Variants in CHST9 observed in about 807,000 individuals in gnomAD.
CHST9 encodes GalNAc-4-sulfotransferase 2.
In CHST9, 41 loss-of-function variants were observed where a neutral mutation model predicts 44.4. That is an observed-to-expected ratio of 0.92 (90% CI 0.72 to 1.20). The LOEUF is 1.20. CHST9 is among the 50% of genes most tolerant of loss of function. The probability of loss-of-function intolerance (pLI) is 0.00; values close to 1 mark genes in which losing one functional copy is unlikely to be tolerated. For missense variants in CHST9, 504 were observed against 516.5 expected (o/e 0.98, Z 0.23); for synonymous variants, 171 against 178.4 (o/e 0.96, Z 0.33).
In CHST9 at chr18:27,053,294, G is replaced by GAAGGAC. The variant is rs1431409415; in HGVS notation, c.122-4792_122-4791insGTCCTT. Among the ~76,000 whole-genome samples the GAAGGAC allele has an allele frequency of 2.8e-3, 367 of 133,176 alleles. 24 individuals are homozygous for GAAGGAC. The East Asian group carries it at 0.031, about 11-fold the overall frequency. 87.4% of individuals were successfully genotyped at this position (133,176 alleles called of 152,430 possible). ...AGAAGGAGAAGGAGAAGGAGAAGGA[G>GAAGGAC]AAGGAGAAGGAGAAGGAGAAGGAGA... On this transcript the variant is annotated intron_variant, in intron 2 of 5. Coordinates refer to ENST00000618847, the MANE Select transcript of CHST9 (RefSeq NM_031422.6).
chr18:27,074,987 G>T (rs1444605353), intron 2 of CHST9, among the ~76,000 whole-genome samples: 4 of 148,154 alleles, frequency 2.7e-5, no homozygotes, highest in African/African-American at 1.0e-4. Flanking sequence ...ATGCTTTAAA[G>T]AAAATGTTTT....
intron 4 of CHST9, among the ~76,000 whole-genome samples, chr18:27,000,622 G>GTCTA (rs6146241): frequency 0.47 from 69,481 of 147,334 alleles, 16,952 homozygotes; most frequent in East Asian, 0.63. Flanking sequence ...TATTTGTTTT[G>GTCTA]TCTATCTATC....
chr18:26,939,774 G>T (rs1043574299), intron 5 of CHST9, among the ~76,000 whole-genome samples: 13 of 152,186 alleles, frequency 8.5e-5, no homozygotes, highest in African/African-American at 3.1e-4. Context: ...CTGGGGACTC[G>T]TGGGCAGGGC....
Position 27,121,454 on chromosome 18 carries a change from T to C in CHST9, c.121+21235A>G, listed in dbSNP as rs900120198. ...TTCCTAGCCACAGGTGAAGAAGGTC[T>C]ATAACTCAGGTTGGCCAATCAGAAT... On this transcript the variant is annotated intron_variant, in intron 2 of 5. Transcript: ENST00000618847. Among the ~76,000 whole-genome samples the C allele has an allele frequency of 4.6e-5, 7 of 152,186 alleles. No homozygotes were observed. The South Asian group carries it at 1.4e-3, about 32-fold the overall frequency.
Position 27,014,072 on chromosome 18 carries a change from C to T in CHST9, c.202+10044G>A, listed in dbSNP as rs2057117280. Among the ~76,000 whole-genome samples, 3 of 152,148 alleles carry T rather than the reference C, an allele frequency of 2.0e-5. No homozygotes were observed. The South Asian group carries it at 6.2e-4, about 31-fold the overall frequency. The stretch of plus-strand genomic sequence containing the variant: ...TAAATAACAAGATTCAAGAACTCTG[C>T]AACCAGGCCCTCATTCACAAGCCTA... On this transcript the variant is annotated intron_variant, in intron 4 of 5. Coordinates refer to ENST00000618847, the MANE Select transcript of CHST9 (RefSeq NM_031422.6).
At chr18:27,124,217 G>C (rs2058400322) in intron 2 of CHST9, among the ~76,000 whole-genome samples, 1 of 152,192 alleles carries the variant, frequency 6.6e-6, no homozygotes, top group Non-Finnish European at 1.5e-5. Context: ...AGGGAAGAAG[G>C]CTCTTTATCT....
chr18:27,048,186 G>T (rs970678740), intron 3 of CHST9, among the ~76,000 whole-genome samples: 2 of 152,028 alleles, frequency 1.3e-5, no homozygotes, highest in Non-Finnish European at 2.9e-5. Flanking sequence ...TAATACTGTT[G>T]GTTGCAAGAC....
At chr18:27,161,472 G>C (rs1013108664) in intron 1 of CHST9, among the ~76,000 whole-genome samples, 13 of 152,176 alleles carry the variant, frequency 8.5e-5, no homozygotes, top group Non-Finnish European at 1.0e-4. Context: ...TGTGGTCTGA[G>C]GGACAGTTTG....
chr18:27,069,652 C>T (rs1306448479), intron 2 of CHST9, among the ~76,000 whole-genome samples: 1 of 152,154 alleles, frequency 6.6e-6, no homozygotes, highest in Non-Finnish European at 1.5e-5. Flanking sequence ...TCTATTGAAA[C>T]ATAGGGGCTA....
At chr18:27,050,945 G>A (rs1285271746) in intron 2 of CHST9, among the ~76,000 whole-genome samples, 1 of 152,222 alleles carries the variant, frequency 6.6e-6, no homozygotes, top group Non-Finnish European at 1.5e-5. Flanking sequence ...AGTTGGAAGT[G>A]TATGTATTTG....
At chr18:27,145,278 A>G (rs2058602639) in intron 1 of CHST9, among the ~76,000 whole-genome samples, 1 of 151,846 alleles carries the variant, frequency 6.6e-6, no homozygotes, top group African/African-American at 2.4e-5. Context: ...CGCAACCTCC[A>G]CCTCCTAGGT....
intron 1 of CHST9, among the ~76,000 whole-genome samples, chr18:27,182,643 C>T (rs2058921757): frequency 6.6e-6 from 1 of 152,178 alleles, no homozygotes; most frequent in African/African-American, 2.4e-5. Flanking sequence ...AGAGCAAACA[C>T]CCCTAAATGG....
intron 2 of CHST9, among the ~76,000 whole-genome samples, chr18:27,053,218 GGAAGAAGAAGAA>G (rs1198842599): frequency 1.2e-4 from 4 of 32,324 alleles, no homozygotes; most frequent in African/African-American, 4.0e-4. Flanking sequence ...AGGAGGAAGA[GGAAGAAGAAGAA>G]GAAGAAGAAG....
chr18:27,116,493 T>C (rs915402254), intron 2 of CHST9, among the ~76,000 whole-genome samples: 15 of 152,192 alleles, frequency 9.9e-5, no homozygotes, highest in Non-Finnish European at 2.1e-4. Context: ...TCTTAATTAC[T>C]ATGGCTTTAT....
chr18:26,942,892 G>A (rs2056105030), intron 5 of CHST9, among the ~76,000 whole-genome samples: 1 of 152,064 alleles, frequency 6.6e-6, no homozygotes, highest in Admixed American at 6.6e-5. Context: ...GGCAGATCAT[G>A]AGGTCAAGAG....
chr18:27,173,257 T>C (rs2058846028), intron 1 of CHST9, among the ~76,000 whole-genome samples: 3 of 152,182 alleles, frequency 2.0e-5, no homozygotes, highest in Admixed American at 1.3e-4. Context: ...TCTAATATAT[T>C]AGCACTAACA....
chr18:26,918,294 TAG>T (rs2055575657), intron 5 of CHST9, among the ~76,000 whole-genome samples: 1 of 152,094 alleles, frequency 6.6e-6, no homozygotes, highest in African/African-American at 2.4e-5. Flanking sequence ...TGATCTCACT[TAG>T]ACTTGAAAAG....
At chr18:27,133,715 A>T (rs2143842862) in intron 2 of CHST9, among the ~76,000 whole-genome samples, 1 of 152,318 alleles carries the variant, frequency 6.6e-6, no homozygotes, top group Non-Finnish European at 1.5e-5. Flanking sequence ...AAACAGCTGC[A>T]GAGAGAGAAA....
chr18:27,148,671 G>C (rs1478696640), intron 1 of CHST9, among the ~76,000 whole-genome samples: 19 of 150,048 alleles, frequency 1.3e-4, no homozygotes, highest in Non-Finnish European at 1.8e-4. Flanking sequence ...TGGACATTTG[G>C]CTTGGTTCCA....
Sources: gnomAD v4.1 joint callset for allele counts (sites outside exome capture counted in the v4.1 genomes callset) on GRCh38, gnomAD v4.1.1 for gene constraint, MANE v1.5 for transcripts, NCBI Gene and HGNC (gene_info 2026-07-23, HGNC 2026-07-21) for gene names.